The following ANKFN1 variants were observed in gnomAD, a reference collection of about 807,000 sequenced individuals.
The protein encoded by ANKFN1 is ankyrin repeat and fibronectin type III domain containing 1, also known as ankyrin repeat and fibronectin type-III domain-containing protein 1.
Under a neutral mutation model 108.7 loss-of-function variants are expected in ANKFN1, and 74 were observed. The ratio of observed to expected loss-of-function variants is 0.68; its 90% CI spans 0.56 to 0.83. The LOEUF (loss-of-function observed/expected upper bound fraction) is 0.83, where lower values mean the gene tolerates loss of function less well. Among genes scored for constraint, ANKFN1 ranks in the 40% least tolerant of loss-of-function variants. ANKFN1 has a pLI of 0.00. For missense variants in ANKFN1, 1,505 were observed against 1,382.3 expected, an observed-to-expected ratio of 1.09 and a Z score of -1.41; for synonymous variants, 547 against 516.2, an observed-to-expected ratio of 1.06 and a Z score of -0.81.
chr17:56,142,828 T>C (rs963482968), intron 4 of ANKFN1, among the ~76,000 whole-genome samples: 16 of 152,158 alleles, frequency 1.1e-4, no homozygotes, highest in Admixed American at 4.6e-4. Flanking sequence ...TTGCCTTCTG[T>C]TTACCTCTCC....
At chr17:56,458,454 G>A (rs2049788440) in intron 14 of ANKFN1, among the ~76,000 whole-genome samples, 1 of 151,940 alleles carries the variant, frequency 6.6e-6, no homozygotes, top group South Asian at 2.1e-4. Context: ...TTTTGGTAAA[G>A]CATAGACATT....
At chr17:56,049,606 A>G (rs1349575242) in intron 4 of ANKFN1, among the ~76,000 whole-genome samples, 3 of 150,616 alleles carry the variant, frequency 2.0e-5, no homozygotes, top group African/African-American at 7.4e-5. Context: ...GTGTTCTCAT[A>G]GTTCAATTCC....
intron 3 of ANKFN1, among the ~76,000 whole-genome samples, chr17:56,256,661 A>T (rs906709329): frequency 9.2e-5 from 14 of 152,260 alleles, no homozygotes; most frequent in African/African-American, 3.1e-4. Flanking sequence ...CATATTAAGG[A>T]CCAATTATGA....
Position 56,118,313 on chromosome 17 carries a change from G to T in ANKFN1, c.288+71988G>T, listed in dbSNP as rs998839365. Among the ~76,000 whole-genome samples the T allele has an allele frequency of 2.0e-5, 3 of 152,124 alleles. No homozygotes were observed. The East Asian group carries it at 5.8e-4, about 29-fold the overall frequency. On this transcript the variant is annotated intron_variant, in intron 4 of 12. Coordinates refer to the ANKFN1 transcript ENST00000635860. ...TCTTTGAGGAACTGTTTTCTAAACT[G>T]ATCTCAAAAGTAGCCACAACATAGT...
intron 4 of ANKFN1, among the ~76,000 whole-genome samples, chr17:56,109,065 C>T (rs1027030577): frequency 1.5e-4 from 23 of 152,144 alleles, no homozygotes; most frequent in African/African-American, 5.3e-4. Context: ...CTCTGCCTAG[C>T]TGTGTGGTCT....
intron 4 of ANKFN1, among the ~76,000 whole-genome samples, chr17:56,083,675 T>C (rs1234943786): frequency 6.6e-6 from 1 of 151,178 alleles, no homozygotes; most frequent in Non-Finnish European, 1.5e-5. Context: ...AGTGGAGCTG[T>C]CCAGTACTCA....
At position 56,467,011 on chromosome 17, in the gene ANKFN1, G is replaced by C. The variant is rs573124838; in HGVS notation, c.1773+440G>C. 7.9e-5 allele frequency among the ~76,000 whole-genome samples: 12 copies of C among 152,194 alleles called. No homozygotes were observed. The South Asian group carries it at 8.3e-4, about 11-fold the overall frequency. On this transcript the variant is annotated intron_variant, in intron 15 of 20. Coordinates refer to ENST00000682825, the MANE Select transcript of ANKFN1 (RefSeq NM_001370326.1). ...GCACACTTATAATCTCAGCTGCTTG[G>C]GGGGCTGAGGCGGGGAGAATCGCTG... is the stretch of plus-strand genomic sequence containing the variant.
At chr17:56,456,765 G>C in intron 11 of ANKFN1, 96 bp from the exon 12 acceptor site, 8 of 949,888 alleles carry the variant, frequency 8.4e-6, no homozygotes, top group Non-Finnish European at 1.4e-5. Context: ...ACACTAAAGG[G>C]ATGGGGGAGG....
At chr17:56,411,055 G>A (rs553486257) in intron 8 of ANKFN1, among the ~76,000 whole-genome samples, 5 of 152,180 alleles carry the variant, frequency 3.3e-5, no homozygotes, top group African/African-American at 1.2e-4. Flanking sequence ...AATGACTTTG[G>A]AATTTTGATA....
intron 8 of ANKFN1, among the ~76,000 whole-genome samples, chr17:56,376,575 ACCTTGACATTT>A (rs1482017629): frequency 3.9e-5 from 6 of 152,178 alleles, no homozygotes; most frequent in Admixed American, 3.9e-4. Context: ...AGTGCTGCCC[ACCTTGACATTT>A]CCTTCTTACT....
chr17:56,155,085 G>T (rs1417688410), intron 1 of ANKFN1, among the ~76,000 whole-genome samples: 2 of 152,166 alleles, frequency 1.3e-5, no homozygotes, highest in African/African-American at 2.4e-5. Context: ...AGGCCCGTCT[G>T]GTCAAGAACA....
intron 1 of ANKFN1, among the ~76,000 whole-genome samples, chr17:56,202,829 A>G (rs1431558614): frequency 2.0e-5 from 3 of 152,380 alleles, no homozygotes; most frequent in African/African-American, 7.2e-5. Flanking sequence ...ATGATGCGAA[A>G]GAATGCTCAT....
chr17:56,128,013 CAGA>C (rs1907039455), intron 4 of ANKFN1, among the ~76,000 whole-genome samples: 1 of 152,218 alleles, frequency 6.6e-6, no homozygotes, highest in East Asian at 1.9e-4. Flanking sequence ...TCAAACTTCA[CAGA>C]AGAATTCACT....
At chr17:56,172,863 G>A (rs1910805216) in intron 1 of ANKFN1, among the ~76,000 whole-genome samples, 1 of 152,198 alleles carries the variant, frequency 6.6e-6, no homozygotes, top group South Asian at 2.1e-4. Flanking sequence ...GAACCAGCCA[G>A]CAGACAGGGA....
chr17:56,122,132 T>C (rs1028225745), intron 4 of ANKFN1, among the ~76,000 whole-genome samples: 4 of 152,164 alleles, frequency 2.6e-5, no homozygotes, highest in Non-Finnish European at 5.9e-5. Context: ...AGTAGTGGCT[T>C]TCCGAGACTT....
intron 4 of ANKFN1, among the ~76,000 whole-genome samples, chr17:56,327,860 C>G (rs1322944934): frequency 6.6e-6 from 1 of 152,108 alleles, no homozygotes; most frequent in Non-Finnish European, 1.5e-5. Context: ...ACTAAGTATT[C>G]AAGATCATTG....
intron 18 of ANKFN1, among the ~76,000 whole-genome samples, chr17:56,489,719 A>T (rs1197548392): frequency 6.6e-6 from 1 of 152,146 alleles, no homozygotes; most frequent in Non-Finnish European, 1.5e-5. Context: ...AAGGGGAAAA[A>T]AAACAATTTT....
intron 4 of ANKFN1, among the ~76,000 whole-genome samples, chr17:56,330,239 A>G (rs1041819952): frequency 2.6e-5 from 4 of 151,012 alleles, no homozygotes; most frequent in African/African-American, 9.7e-5. Context: ...AGGGCTCACA[A>G]TCATGGCAGA....
chr17:56,494,756 C>G (rs1000811455), intron 19 of ANKFN1, among the ~76,000 whole-genome samples: 4 of 152,024 alleles, frequency 2.6e-5, no homozygotes. Flanking sequence ...ACTTAACAAC[C>G]AGAGATATTT....
Sources: gnomAD v4.1 joint callset for allele counts (sites outside exome capture counted in the v4.1 genomes callset) on GRCh38, gnomAD v4.1.1 for gene constraint, MANE v1.5 for transcripts, NCBI Gene and HGNC (gene_info 2026-07-23, HGNC 2026-07-21) for gene names.